FBLN7: variants seen among roughly 807,000 people sequenced by gnomAD.
FBLN7 encodes the protein fibulin-7.
FBLN7 carries 31 observed loss-of-function variants against 44.0 expected under a neutral mutation model. The observed-to-expected ratio is 0.70, with a 90% CI of 0.53 to 0.95. The LOEUF is 0.95. Among genes scored for constraint, FBLN7 ranks in the 40% least tolerant of loss-of-function variants. The pLI is 0.00. For missense variants in FBLN7, 573 were observed against 618.5 expected (o/e 0.93, Z 0.78); for synonymous variants, 262 against 253.4 (o/e 1.03, Z -0.32).
At chr2:112,236,816 G>A in the FBLN7 span, 2 of 909,228 alleles carry the variant, frequency 2.2e-6, no homozygotes, top group Non-Finnish European at 3.3e-6. Context: ...GGAGGCTGAG[G>A]CAGGAGGACT....
chr2:112,138,555 G>T lies in FBLN7; in HGVS notation c.-101G>T, dbSNP rs1233252663. The T allele has an allele frequency of 4.5e-6, 7 of 1,553,376 alleles. No individual in the cohort carries two copies. Among genetic ancestry groups the T allele is most frequent in the Middle Eastern group, 2.3e-4 (1 of 4,430 alleles). On this transcript the variant is annotated 5_prime_UTR_variant, in exon 1 of 8. Transcript: ENST00000331203. ...CCCAGCCGCCCCCCGGCCGCGCGGC[G>T]CCCCGCACCCTGCAGGGACGGCTGC...
At chr2:112,220,770 G>A in the FBLN7 span, among the ~76,000 whole-genome samples, 2 of 152,186 alleles carry the variant, frequency 1.3e-5, no homozygotes, top group Non-Finnish European at 2.9e-5. Context: ...GTGGTGAGCT[G>A]AGATCGTGCC....
intron 4 of FBLN7, among the ~76,000 whole-genome samples, chr2:112,178,373 C>T (rs1682832405): frequency 6.6e-6 from 1 of 151,774 alleles, no homozygotes; most frequent in East Asian, 1.9e-4. Context: ...GCCTACCAAC[C>T]AAAAAAAGCC....
At chr2:112,158,795 G>A (rs1343323437) in intron 1 of FBLN7, among the ~76,000 whole-genome samples, 1 of 151,894 alleles carries the variant, frequency 6.6e-6, no homozygotes, top group African/African-American at 2.4e-5. Flanking sequence ...GGCTGGTCTC[G>A]AACTTCTGGC....
At chr2:112,192,441 G>A (rs1683521806), downstream of FBLN7, among the ~76,000 whole-genome samples, 1 of 152,116 alleles carries the variant, frequency 6.6e-6, no homozygotes. Flanking sequence ...GCCTGACTTG[G>A]GTATCTGGGT....
the FBLN7 span, among the ~76,000 whole-genome samples, chr2:112,239,447 CAT>C: frequency 6.6e-6 from 1 of 152,142 alleles, no homozygotes; most frequent in African/African-American, 2.4e-5. Context: ...TGTTTCAAAG[CAT>C]ACTTTGGGGC....
the FBLN7 span, among the ~76,000 whole-genome samples, chr2:112,209,745 T>G: frequency 2.6e-5 from 4 of 152,038 alleles, no homozygotes; most frequent in Non-Finnish European, 5.9e-5. Flanking sequence ...ATAGGGAAGA[T>G]GCATGTCTTC....
At chr2:112,159,581 G>A (rs1023194504) in intron 1 of FBLN7, 95 bp from the exon 2 acceptor site, 2 of 1,391,858 alleles carry the variant, frequency 1.4e-6, no homozygotes, top group East Asian at 2.7e-5. Context: ...AACGCGGTTT[G>A]GACCCCGTGG....
intron 2 of FBLN7, among the ~76,000 whole-genome samples, chr2:112,160,118 G>C (rs1014683979): frequency 6.6e-6 from 1 of 152,132 alleles, no homozygotes; most frequent in African/African-American, 2.4e-5. Flanking sequence ...AGCCTCCCGC[G>C]TAGCTGGGAC....
At chr2:112,164,907 G>A (rs904477831) in intron 2 of FBLN7, 94 bp from the exon 3 acceptor site, 16 of 1,374,320 alleles carry the variant, frequency 1.2e-5, no homozygotes, top group Non-Finnish European at 1.5e-5. Flanking sequence ...ATGCAACAGA[G>A]GGCACTTCGA....
At chr2:112,148,087 G>T (rs1453708727) in intron 1 of FBLN7, among the ~76,000 whole-genome samples, 2 of 149,418 alleles carry the variant, frequency 1.3e-5, no homozygotes, top group African/African-American at 4.9e-5. Context: ...CTTGGTCTGA[G>T]AAAAAAAAAA....
chr2:112,185,935 A>C (rs557054796), intron 7 of FBLN7, among the ~76,000 whole-genome samples: 6 of 151,760 alleles, frequency 4.0e-5, no homozygotes, highest in Non-Finnish European at 7.4e-5. Flanking sequence ...ATCACAAAGC[A>C]CATACATTTT....
At chr2:112,208,391 A>C in the FBLN7 span, among the ~76,000 whole-genome samples, 1 of 151,688 alleles carries the variant, frequency 6.6e-6, no homozygotes, top group Non-Finnish European at 1.5e-5. Context: ...ACAGAGTGAG[A>C]CTCCATCTCA....
chr2:112,199,417 TGCTCTAGA>T, the FBLN7 span, among the ~76,000 whole-genome samples: 44 of 152,326 alleles, frequency 2.9e-4, no homozygotes, highest in East Asian at 8.3e-3. Context: ...TCAACATTGC[TGCTCTAGA>T]GCTAACCCAT....
intron 2 of FBLN7, among the ~76,000 whole-genome samples, chr2:112,163,702 G>T (rs573164374): frequency 6.8e-6 from 1 of 147,680 alleles, no homozygotes; most frequent in East Asian, 1.9e-4. Context: ...CAATCAAACC[G>T]CAGCAGGAGT....
the FBLN7 span, among the ~76,000 whole-genome samples, chr2:112,211,332 A>T: frequency 3.3e-5 from 5 of 152,180 alleles, no homozygotes; most frequent in South Asian, 1.0e-3. Context: ...GAAATCCATG[A>T]TATTCATAAT....
chr2:112,160,700 G>GCACACA (rs1681736802), intron 2 of FBLN7, among the ~76,000 whole-genome samples: 1 of 100,706 alleles, frequency 9.9e-6, no homozygotes, highest in African/African-American at 4.2e-5. Context: ...ACGCACACAC[G>GCACACA]CACGCACACA....
intron 7 of FBLN7, among the ~76,000 whole-genome samples, chr2:112,186,257 G>A (rs1168362526): frequency 6.6e-6 from 1 of 152,170 alleles, no homozygotes; most frequent in Non-Finnish European, 1.5e-5. Context: ...GATTGCATTT[G>A]TCTTTTAACA....
chr2:112,182,998 A>G lies in FBLN7; in HGVS notation c.808+70A>G, dbSNP rs1237943416. On this transcript the variant is annotated intron_variant, in intron 6 of 7. Coordinates refer to ENST00000331203, the MANE Select transcript of FBLN7 (RefSeq NM_153214.3). ...CTGTGCTGAACCCCCAGGACCTCAC[A>G]GTCGGGAGTGAGGTGGTTAGGAGAG... 1.9e-6 allele frequency: 3 copies of G among 1,573,916 alleles called. No individual in the cohort carries two copies. In the African/African-American group the frequency reaches 4.1e-5, roughly 21 times the overall value.
Sources: gnomAD v4.1 joint callset for allele counts (sites outside exome capture counted in the v4.1 genomes callset) on GRCh38, gnomAD v4.1.1 for gene constraint, MANE v1.5 for transcripts, NCBI Gene and HGNC (gene_info 2026-07-23, HGNC 2026-07-21) for gene names.